The following HDAC9 variants were observed in gnomAD, a reference collection of about 807,000 sequenced individuals.
The protein encoded by HDAC9 is histone deacetylase 9.
Under a neutral mutation model 139.4 loss-of-function variants are expected in HDAC9, and 41 were observed. That is an observed-to-expected ratio of 0.29 (90% CI 0.23 to 0.38). HDAC9 has a LOEUF of 0.38. Ranked by LOEUF, HDAC9 falls within the 10% of genes least tolerant of loss-of-function variation. HDAC9 has a pLI of 1.00. For missense variants in HDAC9, 1,147 were observed against 1,297.0 expected (o/e 0.88, Z 1.78); for synonymous variants, 517 against 476.2 (o/e 1.09, Z -1.12).
intron 14 of HDAC9, among the ~76,000 whole-genome samples, chr7:18,751,373 A>G (rs1281926586): frequency 6.6e-6 from 1 of 152,128 alleles, no homozygotes; most frequent in Non-Finnish European, 1.5e-5. Context: ...CACAAACATC[A>G]TATCCAAAAC....
At chr7:18,733,749 T>C (rs1786620785) in intron 13 of HDAC9, among the ~76,000 whole-genome samples, 1 of 152,112 alleles carries the variant, frequency 6.6e-6, no homozygotes, top group Non-Finnish European at 1.5e-5. Context: ...TTTCATCCTA[T>C]TACCTTCACA....
intron 1 of HDAC9, among the ~76,000 whole-genome samples, chr7:18,372,010 C>G (rs910128165): frequency 1.3e-5 from 2 of 152,154 alleles, no homozygotes; most frequent in African/African-American, 4.8e-5. Context: ...TGAATAGTAA[C>G]CTGCAATGAC....
chr7:18,960,934 G>A (rs1295258544), intron 24 of HDAC9, among the ~76,000 whole-genome samples: 1 of 152,162 alleles, frequency 6.6e-6, no homozygotes, highest in East Asian at 1.9e-4. Flanking sequence ...ATGGGGCTAT[G>A]TACACAACTA....
intron 2 of HDAC9, among the ~76,000 whole-genome samples, chr7:18,187,379 C>G (rs1003568698): frequency 2.0e-5 from 3 of 152,178 alleles, no homozygotes; most frequent in African/African-American, 7.2e-5. Flanking sequence ...AAACCCTATT[C>G]TATCTTCTTT....
chr7:18,348,634 C>A (rs367886184), intron 1 of HDAC9, among the ~76,000 whole-genome samples: 36 of 152,256 alleles, frequency 2.4e-4, no homozygotes, highest in African/African-American at 8.4e-4. Context: ...TTACTGGCAT[C>A]TTTTGGAGAT....
At chr7:18,811,198 C>T (rs1057271377) in intron 17 of HDAC9, among the ~76,000 whole-genome samples, 1 of 151,338 alleles carries the variant, frequency 6.6e-6, no homozygotes, top group Admixed American at 6.6e-5. Flanking sequence ...TTCTACCAGC[C>T]TTTAGTTTTG....
intron 1 of HDAC9, among the ~76,000 whole-genome samples, chr7:18,420,273 G>A (rs1040255351): frequency 4.6e-5 from 7 of 152,270 alleles, no homozygotes; most frequent in African/African-American, 4.8e-5. Context: ...AGGAATAGGT[G>A]TACTTTCTGC....
intron 1 of HDAC9, among the ~76,000 whole-genome samples, chr7:18,378,021 C>T (rs925857543): frequency 6.6e-6 from 1 of 151,978 alleles, no homozygotes; most frequent in Non-Finnish European, 1.5e-5. Flanking sequence ...ATGAGTAAAC[C>T]TAGAAACTTG....
At chr7:18,197,062 AC>A (rs1246439854) in intron 2 of HDAC9, among the ~76,000 whole-genome samples, 2 of 151,870 alleles carry the variant, frequency 1.3e-5, no homozygotes, top group African/African-American at 4.8e-5. Flanking sequence ...CAAAAGGCTG[AC>A]CCCCCTTATG....
intron 9 of HDAC9, 99 bp from the exon 10 acceptor site, chr7:18,647,686 T>C (rs1423606321): frequency 1.0e-6 from 1 of 1,000,040 alleles, no homozygotes; most frequent in Non-Finnish European, 1.4e-6. Context: ...GGCTTTTGTT[T>C]TGGGAAGCTA....
chr7:18,635,618 CTTAT>C (rs1783647513), intron 8 of HDAC9, among the ~76,000 whole-genome samples: 1 of 152,044 alleles, frequency 6.6e-6, no homozygotes, highest in African/African-American at 2.4e-5. Flanking sequence ...GACTGAAAGC[CTTAT>C]TTTTGTTTCT....
intron 13 of HDAC9, among the ~76,000 whole-genome samples, chr7:18,736,967 G>T (rs945854713): frequency 1.3e-5 from 2 of 152,138 alleles, no homozygotes; most frequent in African/African-American, 2.4e-5. Flanking sequence ...TCTTGAGAAG[G>T]TTTATGTGTC....
At chr7:18,974,734 T>A (rs534304642) in intron 24 of HDAC9, among the ~76,000 whole-genome samples, 1 of 152,282 alleles carries the variant, frequency 6.6e-6, no homozygotes, top group Non-Finnish European at 1.5e-5. Context: ...TAAAGGCCAC[T>A]CATAAAATGT....
chr7:18,258,346 A>G (rs1795415278), intron 2 of HDAC9, among the ~76,000 whole-genome samples: 1 of 152,136 alleles, frequency 6.6e-6, no homozygotes, highest in South Asian at 2.1e-4. Flanking sequence ...TTTTTATTTC[A>G]GTAGGCTTTT....
chr7:18,818,394 TTA>T (rs1313121363), intron 17 of HDAC9, among the ~76,000 whole-genome samples: 1 of 152,228 alleles, frequency 6.6e-6, no homozygotes, highest in Non-Finnish European at 1.5e-5. Flanking sequence ...TTTTATTTTG[TTA>T]TAGTTTCCTA....
chr7:18,982,692 T>A (rs1213396180), intron 25 of HDAC9, among the ~76,000 whole-genome samples: 1 of 152,182 alleles, frequency 6.6e-6, no homozygotes, highest in Non-Finnish European at 1.5e-5. Context: ...GTCAATTATG[T>A]TTGCCTGCTC....
intron 1 of HDAC9, among the ~76,000 whole-genome samples, chr7:18,431,323 A>G (rs1472783902): frequency 6.6e-6 from 1 of 152,234 alleles, no homozygotes; most frequent in African/African-American, 2.4e-5. Flanking sequence ...AATAGGAGAT[A>G]TTCCTTGAAT....
At chr7:18,666,894 C>G in intron 12 of HDAC9, 3 of 997,398 alleles carry the variant, frequency 3.0e-6, no homozygotes, top group Non-Finnish European at 3.6e-6. Flanking sequence ...ATGAAGCATT[C>G]GATTAGTTTT....
In HDAC9 at chr7:18,315,034, A is replaced by G. The variant is rs893435845; in HGVS notation, c.-42+24519A>G. ...GGCAAGAGTACATGAACTAAATAATATTAACCACACACAGGTTGTGATCTG... is the reference window on the plus strand; with the variant it reads ...GGCAAGAGTACATGAACTAAATAATGTTAACCACACACAGGTTGTGATCTG... On this transcript the variant is annotated intron_variant, in intron 1 of 3. Coordinates refer to the HDAC9 transcript ENST00000413509. 2.0e-5 allele frequency among the ~76,000 whole-genome samples: 3 copies of G among 152,324 alleles called. No homozygotes were observed. The South Asian group carries it at 6.2e-4, about 32-fold the overall frequency.
Sources: gnomAD v4.1 joint callset for allele counts (sites outside exome capture counted in the v4.1 genomes callset) on GRCh38, gnomAD v4.1.1 for gene constraint, MANE v1.5 for transcripts, NCBI Gene and HGNC (gene_info 2026-07-23, HGNC 2026-07-21) for gene names.